ZNF726: variants seen among roughly 807,000 people sequenced by gnomAD.
The protein encoded by ZNF726 is zinc finger protein 92 pseudogene 3.
Under a neutral mutation model 11.6 loss-of-function variants are expected in ZNF726, and 15 were observed. That is an observed-to-expected ratio of 1.29 (90% confidence interval 0.86 to 1.99). ZNF726 has a LOEUF of 1.99. ZNF726 is among the 30% of genes most tolerant of loss of function. ZNF726 has a pLI of 0.00. For synonymous variants in ZNF726, 295 were observed against 243.6 expected (o/e 1.21, Z -1.96); for missense variants, 890 against 725.6 (o/e 1.23, Z -2.60).
rs751964520 is a variant in ZNF726, at chr19:23,932,882, C to G, written c.766C>G (p.Pro256Ala). ...THKVTHTGEK[P>A]YKCEECGKAF... is the part of the protein sequence containing the mutation. ...TAAGGTAACTCATACTGGAGAGAAG[C>G]CTTACAAGTGTGAAGAATGTGGCAA... The change falls in exon 4 of 4, where the codon CCT becomes GCT. Residue 256 changes from proline to alanine, a missense_variant. Pro to Ala is a conservative substitution (Grantham distance 27). Transcript: ENST00000594466. 2.3e-5 allele frequency: 37 copies of G among 1,609,120 alleles called. No homozygotes were observed. In the African/African-American group the frequency reaches 2.4e-4, roughly 10 times the overall value.
chr19:23,924,567 T>C (rs1376849459), intron 3 of ZNF726, among the ~76,000 whole-genome samples: 1 of 152,168 alleles, frequency 6.6e-6, no homozygotes, highest in Non-Finnish European at 1.5e-5. Flanking sequence ...TAACATATAA[T>C]TTACCTTCTT....
At position 23,932,896 on chromosome 19, in the gene ZNF726, A is replaced by T; in HGVS notation, c.780A>T (p.Glu260Asp). 6.2e-7 allele frequency: 1 copy of T among 1,610,098 alleles called. No individual in the cohort carries two copies. Among genetic ancestry groups the T allele is most frequent in the Non-Finnish European group, 8.5e-7 (1 of 1,178,640 alleles). ...CTGGAGAGAAGCCTTACAAGTGTGA[A>T]GAATGTGGCAAAGCATTTAGCCAAT... is the stretch of plus-strand genomic sequence containing the variant. ...THTGEKPYKC[E>D]ECGKAFSQSS... The change falls in exon 4 of 4, where the codon GAA (glutamate) becomes GAT (aspartate). Residue 260 changes from glutamate (E) to aspartate (D), a missense_variant. Transcript: ENST00000594466.
At chr19:23,934,610 T>C, downstream of ZNF726, 1 of 301,690 alleles carries the variant, frequency 3.3e-6, no homozygotes, top group Non-Finnish European at 6.4e-6. Flanking sequence ...CTTTCTCTCC[T>C]CTCCAGCTCC....
downstream of ZNF726, among the ~76,000 whole-genome samples, chr19:23,938,173 G>T (rs1038160101): frequency 1.1e-4 from 17 of 151,960 alleles, no homozygotes; most frequent in African/African-American, 4.1e-4. Context: ...GTTCCTATAG[G>T]TTAAATTTTA....
downstream of ZNF726, among the ~76,000 whole-genome samples, chr19:23,937,782 G>A (rs1045999402): frequency 6.2e-4 from 94 of 152,192 alleles, no homozygotes; most frequent in Admixed American, 1.2e-3. Context: ...ACTTTGGGAG[G>A]CCAAGGCAGG....
chr19:23,943,629 G>A (rs1476134175), intron 4 of ZNF726: 3 of 556,764 alleles, frequency 5.4e-6, no homozygotes, highest in Non-Finnish European at 3.4e-6. Context: ...CAGATGACAG[G>A]TTCAAAGGTC....
intron 1 of ZNF726, among the ~76,000 whole-genome samples, chr19:23,918,875 T>C (rs986491192): frequency 2.6e-5 from 4 of 152,108 alleles, no homozygotes; most frequent in Admixed American, 2.6e-4. Context: ...GGCCAAAACA[T>C]TTGCATTACT....
rs756875092 is a variant in ZNF726, at chr19:23,933,254, T to G, written c.1138T>G (p.Trp380Gly). The G allele has an allele frequency of 9.3e-6, 15 of 1,609,810 alleles. No homozygotes were observed. The highest frequency in any genetic ancestry group is 4.2e-6 in the Non-Finnish European group (5 of 1,179,094). The change falls in exon 4 of 4, where the codon TGG (tryptophan) becomes GGG (glycine). Residue 380 changes from tryptophan (W) to glycine (G), a missense_variant. Trp to Gly is a radical substitution (Grantham distance 184). Coordinates refer to ENST00000594466, the MANE Select transcript of ZNF726 (RefSeq NM_001244038.2). ...KCEECGKAFI[W>G]PSTLTKHKRI... The stretch of plus-strand genomic sequence containing the variant: ...TGAAGAATGTGGCAAAGCATTTATA[T>G]GGCCCTCAACCCTAACTAAACATAA...
Position 23,933,444 on chromosome 19 carries a change from A to C in ZNF726, c.1328A>C (p.His443Pro), listed in dbSNP as rs147413616. Residue 443 changes from histidine (H) to proline (P), a missense_variant, in exon 4 of 4, where the codon CAT becomes CCT. Coordinates refer to ENST00000594466, the MANE Select transcript of ZNF726 (RefSeq NM_001244038.2). The stretch of plus-strand genomic sequence containing the variant: ...ATATGGTCCTCAAACCTTACTGAAC[A>C]TAAGAAAATTCATACTAGAGAGAAA... ...AFIWSSNLTE[H>P]KKIHTREKPY... 1.4e-3 allele frequency: 2,218 copies of C among 1,612,622 alleles called. 3 individuals carry two copies. The highest frequency in any genetic ancestry group is 1.7e-3 in the South Asian group (152 of 90,984).
intron 3 of ZNF726, among the ~76,000 whole-genome samples, chr19:23,931,290 T>G (rs1968099720): frequency 6.6e-6 from 1 of 152,176 alleles, no homozygotes; most frequent in Non-Finnish European, 1.5e-5. Flanking sequence ...CAACTGAGCT[T>G]CTTTATTTTT....
intron 3 of ZNF726, among the ~76,000 whole-genome samples, chr19:23,930,082 C>T (rs992539818): frequency 1.1e-4 from 17 of 152,172 alleles, no homozygotes; most frequent in Admixed American, 5.9e-4. Context: ...GCATGAGCCA[C>T]GGTGCCTGGC....
downstream of ZNF726, among the ~76,000 whole-genome samples, chr19:23,937,066 G>C (rs1490835405): frequency 6.7e-6 from 1 of 150,318 alleles, no homozygotes; most frequent in Non-Finnish European, 1.5e-5. Flanking sequence ...TCCCGAACGG[G>C]GCGGCTGGCC....
chr19:23,940,437 T>TG (rs1006540280), intron 3 of ZNF726, among the ~76,000 whole-genome samples: 1 of 152,192 alleles, frequency 6.6e-6, no homozygotes, highest in Non-Finnish European at 1.5e-5. Flanking sequence ...GGTAGTGTGG[T>TG]GCCTCGAGAT....
chr19:23,927,330 T>C (rs928593845), intron 3 of ZNF726, among the ~76,000 whole-genome samples: 1 of 152,338 alleles, frequency 6.6e-6, no homozygotes, highest in Admixed American at 6.5e-5. Context: ...AAATTAATGT[T>C]TTTTTATTCC....
At chr19:23,918,766 G>A (rs1300123841) in intron 1 of ZNF726, among the ~76,000 whole-genome samples, 2 of 149,376 alleles carry the variant, frequency 1.3e-5, no homozygotes, top group East Asian at 4.1e-4. Flanking sequence ...ATCTTTTGTT[G>A]GTAAATGAAA....
At chr19:23,939,862 ATT>A (rs374902806) in intron 3 of ZNF726, among the ~76,000 whole-genome samples, 6 of 87,138 alleles carry the variant, frequency 6.9e-5, no homozygotes, top group East Asian at 3.0e-4. Flanking sequence ...TTTTGATGGG[ATT>A]TTTTTTTTTT....
In ZNF726 at chr19:23,933,535, G is replaced by T; in HGVS notation, c.1419G>T (p.Arg473Ser). 6.2e-7 allele frequency: 1 copy of T among 1,611,294 alleles called. No individual in the cohort carries two copies. The highest frequency in any genetic ancestry group is 8.5e-7 in the Non-Finnish European group (1 of 1,179,664). ...CCTCAGCCCTAACTACACATAAGAG[G>T]ATGCACACTGGAGAGAAACCCTACA... ...SRSSALTTHK[R>S]MHTGEKPYKC... Residue 473 changes from arginine to serine, a missense_variant, in exon 4 of 4, where the codon AGG (arginine) becomes AGT (serine). By Grantham distance (110) the Arg-to-Ser change is moderately radical. Transcript: ENST00000594466.
At chr19:23,915,093 A>T in intron 1 of ZNF726, 96 bp downstream of exon 1, 1 of 1,581,184 alleles carries the variant, frequency 6.3e-7, no homozygotes, top group Non-Finnish European at 8.7e-7. Flanking sequence ...CCTCGCTGTC[A>T]GTTTTACAAT....
Position 23,934,021 on chromosome 19 carries a change from C to G in ZNF726, c.*54C>G. On this transcript the variant is annotated 3_prime_UTR_variant, in exon 4 of 4. Coordinates refer to ENST00000594466, the MANE Select transcript of ZNF726 (RefSeq NM_001244038.2). ...GGCAAAGCATTTATATGGTCCTCAACGCTAAACATAAGAGGATGCACACTG... is the reference window on the plus strand; with the variant it reads ...GGCAAAGCATTTATATGGTCCTCAAGGCTAAACATAAGAGGATGCACACTG... 1.4e-6 allele frequency: 2 copies of G among 1,427,218 alleles called. No homozygotes were observed. The highest frequency in any genetic ancestry group is 1.9e-6 in the Non-Finnish European group (2 of 1,047,442). 88.4% of individuals were successfully genotyped at this position (1,427,218 alleles called of 1,614,324 possible).
Sources: gnomAD v4.1 joint callset for allele counts (sites outside exome capture counted in the v4.1 genomes callset) on GRCh38, gnomAD v4.1.1 for gene constraint, MANE v1.5 for transcripts, NCBI Gene and HGNC (gene_info 2026-07-23, HGNC 2026-07-21) for gene names.